GABRG3: variants seen among roughly 807,000 people sequenced by gnomAD.
The protein encoded by GABRG3 is gamma-aminobutyric acid type A receptor subunit gamma3.
GABRG3 carries 25 observed loss-of-function variants against 48.8 expected under a neutral mutation model. The ratio of observed to expected loss-of-function variants is 0.51; its 90% CI spans 0.37 to 0.72. The LOEUF is 0.72. GABRG3 is among the 30% of genes least tolerant of loss of function. The probability of loss-of-function intolerance (pLI) is 0.00; values close to 1 mark genes in which losing one functional copy is unlikely to be tolerated. For missense variants in GABRG3, 394 were observed against 577.9 expected, an observed-to-expected ratio of 0.68 and a Z score of 3.26; for synonymous variants, 227 against 217.6, an observed-to-expected ratio of 1.04 and a Z score of -0.38.
chr15:27,383,693 T>C (rs1895843315), intron 5 of GABRG3, among the ~76,000 whole-genome samples: 1 of 152,278 alleles, frequency 6.6e-6, no homozygotes, highest in Middle Eastern at 3.4e-3. Context: ...AAAAAATGAC[T>C]TTTGCCTTGT....
At chr15:26,991,480 A>G (rs564345297) in intron 2 of GABRG3, among the ~76,000 whole-genome samples, 42 of 152,040 alleles carry the variant, frequency 2.8e-4, no homozygotes, top group Middle Eastern at 6.8e-3. Flanking sequence ...TGGTATTTTG[A>G]TAGGGATTGC....
chr15:27,094,526 A>G (rs562028525), intron 3 of GABRG3, among the ~76,000 whole-genome samples: 1 of 152,322 alleles, frequency 6.6e-6, no homozygotes, highest in East Asian at 1.9e-4. Context: ...CTGGATTCTA[A>G]GAAAAGCTTC....
intron 3 of GABRG3, among the ~76,000 whole-genome samples, chr15:27,064,359 G>A (rs1273834092): frequency 6.6e-6 from 1 of 152,162 alleles, no homozygotes; most frequent in Non-Finnish European, 1.5e-5. Context: ...AAGGCCTGTG[G>A]TTGCGCTGGA....
intron 3 of GABRG3, among the ~76,000 whole-genome samples, chr15:27,202,596 T>C (rs1041441442): frequency 9.9e-5 from 15 of 152,206 alleles, no homozygotes; most frequent in African/African-American, 3.6e-4. Context: ...TATTTTAAGA[T>C]GTTCCAGTTT....
At chr15:27,103,687 A>T (rs1435062478) in intron 3 of GABRG3, among the ~76,000 whole-genome samples, 4 of 152,166 alleles carry the variant, frequency 2.6e-5, no homozygotes, top group Non-Finnish European at 5.9e-5. Flanking sequence ...TATTAAAGAC[A>T]ATGAATTTGC....
At chr15:27,398,345 C>T (rs1482249789) in intron 5 of GABRG3, among the ~76,000 whole-genome samples, 5 of 152,130 alleles carry the variant, frequency 3.3e-5, no homozygotes, top group Non-Finnish European at 7.3e-5. Flanking sequence ...TATTGCCATA[C>T]TGAAAACCAT....
chr15:27,181,170 C>T (rs184561262), intron 3 of GABRG3, among the ~76,000 whole-genome samples: 10 of 152,206 alleles, frequency 6.6e-5, no homozygotes, highest in East Asian at 5.8e-4. Context: ...AGACTTTACA[C>T]GGGGAAGGAC....
intron 5 of GABRG3, among the ~76,000 whole-genome samples, chr15:27,417,775 C>T (rs913435498): frequency 6.6e-6 from 1 of 152,136 alleles, no homozygotes; most frequent in African/African-American, 2.4e-5. Flanking sequence ...GCAGGGGTTC[C>T]CTTTGTATCA....
At chr15:27,529,727 G>T (rs892163783) in intron 9 of GABRG3, among the ~76,000 whole-genome samples, 2 of 152,082 alleles carry the variant, frequency 1.3e-5, no homozygotes, top group Non-Finnish European at 2.9e-5. Context: ...AAACAGAGGG[G>T]AGAGGGGAAG....
chr15:27,182,996 A>G (rs1887980614), intron 3 of GABRG3, among the ~76,000 whole-genome samples: 1 of 152,182 alleles, frequency 6.6e-6, no homozygotes, highest in Non-Finnish European at 1.5e-5. Flanking sequence ...GCTTTTACGA[A>G]TCATTTTTAG....
chr15:27,029,539 C>T (rs765589672), intron 3 of GABRG3, among the ~76,000 whole-genome samples: 10 of 151,684 alleles, frequency 6.6e-5, no homozygotes, highest in South Asian at 2.2e-4. Flanking sequence ...CACATACAGG[C>T]GCACACACAC....
At chr15:27,057,920 T>C (rs1566922908) in intron 3 of GABRG3, among the ~76,000 whole-genome samples, 1 of 152,302 alleles carries the variant, frequency 6.6e-6, no homozygotes, top group East Asian at 1.9e-4. Flanking sequence ...CTCGAGAGGA[T>C]GTGTGCATTG....
intron 3 of GABRG3, among the ~76,000 whole-genome samples, chr15:27,295,470 A>T (rs1000460451): frequency 5.9e-5 from 9 of 152,158 alleles, no homozygotes; most frequent in Non-Finnish European, 1.5e-5. Context: ...AGTGAAGGTA[A>T]CCACAAGGGC....
At chr15:27,308,558 TG>T (rs1251200187) in intron 3 of GABRG3, among the ~76,000 whole-genome samples, 1 of 148,642 alleles carries the variant, frequency 6.7e-6, no homozygotes, top group Non-Finnish European at 1.5e-5. Flanking sequence ...TAAACATACA[TG>T]TTTATATAAA....
At chr15:27,512,898 G>A (rs538532004) in intron 6 of GABRG3, among the ~76,000 whole-genome samples, 62 of 152,224 alleles carry the variant, frequency 4.1e-4, no homozygotes, top group Non-Finnish European at 7.2e-4. Flanking sequence ...AAATGCAAAT[G>A]GGACCCATGC....
intron 3 of GABRG3, among the ~76,000 whole-genome samples, chr15:27,109,223 G>A (rs1397582564): frequency 1.3e-5 from 2 of 152,104 alleles, no homozygotes; most frequent in Non-Finnish European, 2.9e-5. Flanking sequence ...CAGAAAAATT[G>A]AGCAGAGTTT....
chr15:27,007,153 C>A (rs768684656), intron 2 of GABRG3, among the ~76,000 whole-genome samples: 16 of 151,314 alleles, frequency 1.1e-4, no homozygotes, highest in Middle Eastern at 3.4e-3. Context: ...AATCTTGGCT[C>A]ACTGCAGCCT....
At chr15:27,196,206 C>T (rs1302593124) in intron 3 of GABRG3, among the ~76,000 whole-genome samples, 1 of 152,176 alleles carries the variant, frequency 6.6e-6, no homozygotes, top group Non-Finnish European at 1.5e-5. Flanking sequence ...CTGGTCAGCT[C>T]TTTTGTCTGA....
intron 3 of GABRG3, among the ~76,000 whole-genome samples, chr15:27,176,944 T>C (rs1333766734): frequency 4.6e-5 from 7 of 152,134 alleles, no homozygotes; most frequent in African/African-American, 1.7e-4. Flanking sequence ...GCCCACTGCA[T>C]AGAAAAGCCA....
Sources: gnomAD v4.1 joint callset for allele counts (sites outside exome capture counted in the v4.1 genomes callset) on GRCh38, gnomAD v4.1.1 for gene constraint, MANE v1.5 for transcripts, NCBI Gene and HGNC (gene_info 2026-07-23, HGNC 2026-07-21) for gene names.